Variants in GMDS observed in about 807,000 individuals in gnomAD.
GMDS encodes the protein GDP-mannose 4,6 dehydratase.
Under a neutral mutation model 49.9 loss-of-function variants are expected in GMDS, and 20 were observed. That is an observed-to-expected ratio of 0.40 (90% CI 0.28 to 0.58). The LOEUF is 0.58. Ranked by LOEUF, GMDS falls within the 20% of genes least tolerant of loss-of-function variation. The pLI is 0.42. For missense variants in GMDS, 362 were observed against 481.4 expected (o/e 0.75, Z 2.32); for synonymous variants, 177 against 178.6 (o/e 0.99, Z 0.07).
chr6:1,754,918 C>A (rs933333662), intron 7 of GMDS, among the ~76,000 whole-genome samples: 1 of 152,150 alleles, frequency 6.6e-6, no homozygotes, highest in Non-Finnish European at 1.5e-5. Context: ...TTATGACAAA[C>A]CCACAGCCAA....
intron 7 of GMDS, among the ~76,000 whole-genome samples, chr6:1,872,011 G>T (rs139844897): frequency 6.6e-6 from 1 of 152,304 alleles, no homozygotes; most frequent in Non-Finnish European, 1.5e-5. Flanking sequence ...TCTAACTTCT[G>T]GCTAGCAAAG....
chr6:1,718,233 C>A (rs1228617265), intron 9 of GMDS, among the ~76,000 whole-genome samples: 2 of 152,110 alleles, frequency 1.3e-5, no homozygotes, highest in Non-Finnish European at 2.9e-5. Context: ...TAGCCCTGAC[C>A]TCTTTTCTCT....
intron 9 of GMDS, among the ~76,000 whole-genome samples, chr6:1,716,539 G>A (rs957410278): frequency 1.3e-5 from 2 of 152,228 alleles, no homozygotes; most frequent in African/African-American, 4.8e-5. Flanking sequence ...TGGCTAAGCT[G>A]CTGCACAGAC....
intron 7 of GMDS, among the ~76,000 whole-genome samples, chr6:1,827,155 A>G (rs1771158490): frequency 4.7e-5 from 7 of 148,650 alleles, no homozygotes; most frequent in Admixed American, 2.7e-4. Context: ...ATATATATGC[A>G]CACACACACA....
At chr6:1,999,920 CATAT>C (rs1561961376) in intron 4 of GMDS, among the ~76,000 whole-genome samples, 3 of 66,550 alleles carry the variant, frequency 4.5e-5, no homozygotes, top group African/African-American at 1.6e-4. Flanking sequence ...ATATTATATA[CATAT>C]TATATATTAT....
intron 4 of GMDS, among the ~76,000 whole-genome samples, chr6:2,077,052 A>G (rs551951547): frequency 6.6e-6 from 1 of 152,170 alleles, no homozygotes; most frequent in East Asian, 1.9e-4. Context: ...TTTAATAGCT[A>G]GTGTAAATAG....
intron 7 of GMDS, among the ~76,000 whole-genome samples, chr6:1,864,781 G>A (rs1241815352): frequency 6.6e-6 from 1 of 152,186 alleles, no homozygotes; most frequent in Non-Finnish European, 1.5e-5. Flanking sequence ...AAGTAGGCTT[G>A]TCAGGCTAAG....
chr6:2,134,784 C>T (rs2127521731), intron 1 of GMDS, among the ~76,000 whole-genome samples: 1 of 152,302 alleles, frequency 6.6e-6, no homozygotes, highest in South Asian at 2.1e-4. Flanking sequence ...GTTAAGCTAT[C>T]AACTTTCTAT....
chr6:1,926,514 T>C (rs939330456), intron 7 of GMDS, among the ~76,000 whole-genome samples: 2 of 152,236 alleles, frequency 1.3e-5, no homozygotes, highest in Non-Finnish European at 2.9e-5. Context: ...GTAAATGAGA[T>C]GGTATTATGA....
chr6:2,121,263 G>A (rs1775123046), intron 2 of GMDS, among the ~76,000 whole-genome samples: 1 of 152,168 alleles, frequency 6.6e-6, no homozygotes, highest in Non-Finnish European at 1.5e-5. Context: ...TCAGCAATGT[G>A]TAGAATTAAG....
At chr6:1,972,592 T>C (rs1373439416) in intron 4 of GMDS, among the ~76,000 whole-genome samples, 1 of 152,236 alleles carries the variant, frequency 6.6e-6, no homozygotes, top group African/African-American at 2.4e-5. Flanking sequence ...AGATTTGGAT[T>C]AAAAAATTTT....
At chr6:2,165,227 A>G (rs558576049) in intron 1 of GMDS, among the ~76,000 whole-genome samples, 178 of 152,326 alleles carry the variant, frequency 1.2e-3, no homozygotes, top group Middle Eastern at 3.4e-3. Context: ...GGACCAATAA[A>G]GTGTGTGGAG....
chr6:1,687,057 C>T (rs1191798709), intron 9 of GMDS, among the ~76,000 whole-genome samples: 4 of 152,190 alleles, frequency 2.6e-5, no homozygotes, highest in Non-Finnish European at 5.9e-5. Context: ...GACTGGAACT[C>T]CATCCTCAGT....
At chr6:1,748,300 T>C (rs748352355) in intron 7 of GMDS, among the ~76,000 whole-genome samples, 1 of 152,182 alleles carries the variant, frequency 6.6e-6, no homozygotes, top group Non-Finnish European at 1.5e-5. Context: ...TCTTTGAATA[T>C]ATCTTATCTC....
At chr6:1,655,322 C>A (rs937815742) in intron 9 of GMDS, among the ~76,000 whole-genome samples, 3 of 152,054 alleles carry the variant, frequency 2.0e-5, no homozygotes, top group African/African-American at 7.2e-5. Context: ...GGGATGAATA[C>A]GTGGGTTCTG....
chr6:2,024,400 A>G (rs541370906), intron 4 of GMDS, among the ~76,000 whole-genome samples: 17 of 152,310 alleles, frequency 1.1e-4, no homozygotes, highest in African/African-American at 4.1e-4. Flanking sequence ...ATACATCTAA[A>G]GAATTACCAG....
Position 1,833,853 on chromosome 6 carries a change from G to T in GMDS, c.772-91267C>A, listed in dbSNP as rs1473026084. ...AAGTAAATTAAGAAGTTGTTGGTTA[G>T]GTTTTCTCTATTTCTAGTCAATATC... On this transcript the variant is annotated intron_variant, in intron 7 of 10. Coordinates refer to ENST00000380815, the MANE Select transcript of GMDS (RefSeq NM_001500.4). The surrounding 1 kb of genome is among the most constrained non-coding windows in gnomAD (Gnocchi z 4.4). Among the ~76,000 whole-genome samples, 1 of 152,106 alleles carries T rather than the reference G, an allele frequency of 6.6e-6. No individual in the cohort carries two copies. Among genetic ancestry groups the T allele is most frequent in the Non-Finnish European group, 1.5e-5 (1 of 68,018 alleles).
At chr6:1,799,056 C>T (rs1036031551) in intron 7 of GMDS, among the ~76,000 whole-genome samples, 3 of 152,178 alleles carry the variant, frequency 2.0e-5, no homozygotes, top group Non-Finnish European at 2.9e-5. Flanking sequence ...TAGGAACTTT[C>T]AAACCTTTAC....
chr6:1,792,329 T>C (rs1318670427), intron 7 of GMDS, among the ~76,000 whole-genome samples: 1 of 152,172 alleles, frequency 6.6e-6, no homozygotes, highest in East Asian at 1.9e-4. Flanking sequence ...CCAATGTAAT[T>C]TTTCATACCT....
Sources: gnomAD v4.1 joint callset for allele counts (sites outside exome capture counted in the v4.1 genomes callset) on GRCh38, gnomAD v4.1.1 for gene constraint, Gnocchi (gnomAD v3.1) non-coding constraint, MANE v1.5 for transcripts, NCBI Gene and HGNC (gene_info 2026-07-23, HGNC 2026-07-21) for gene names.